FAM81A: variants seen among roughly 807,000 people sequenced by gnomAD.
The protein encoded by FAM81A is protein FAM81A.
Under a neutral mutation model 46.7 loss-of-function variants are expected in FAM81A, and 19 were observed. That is an observed-to-expected ratio of 0.41 (90% CI 0.28 to 0.60). The LOEUF is 0.60. Ranked by LOEUF, FAM81A falls within the 20% of genes least tolerant of loss-of-function variation. FAM81A has a pLI of 0.34. For missense variants in FAM81A, 377 were observed against 453.5 expected, an observed-to-expected ratio of 0.83 and a Z score of 1.53; for synonymous variants, 183 against 152.9, an observed-to-expected ratio of 1.20 and a Z score of -1.45.
chr15:59,426,795 T>A (rs1336424807), intron 2 of FAM81A, among the ~76,000 whole-genome samples: 1 of 152,244 alleles, frequency 6.6e-6, no homozygotes. Flanking sequence ...ACTTCCCCCC[T>A]AAGCTTCTCA....
intron 1 of FAM81A, among the ~76,000 whole-genome samples, chr15:59,453,446 T>TA (rs1322191214): frequency 1.3e-5 from 2 of 152,228 alleles, no homozygotes; most frequent in Non-Finnish European, 2.9e-5. Flanking sequence ...AGTTACTCGT[T>TA]ACGTTACGTG....
chr15:59,416,988 G>T (rs1305638760), intron 2 of FAM81A, among the ~76,000 whole-genome samples: 1 of 152,064 alleles, frequency 6.6e-6, no homozygotes, highest in Non-Finnish European at 1.5e-5. Context: ...CTAGACTTGT[G>T]CCGTCGTGTC....
rs71480524 is a variant in FAM81A at position 59,415,740 on chromosome 15, A to G, written c.-78+13382A>G. Among the ~76,000 whole-genome samples the G allele has an allele frequency of 9.1e-3, 1,379 of 152,306 alleles. 11 individuals carry two copies. The highest frequency in any genetic ancestry group is 0.015 in the Non-Finnish European group (1,002 of 68,016). On this transcript the variant is annotated intron_variant, in intron 2 of 4. Coordinates refer to the FAM81A transcript ENST00000558348. ...GCTGCTTTAAGCCACTAAGTTCATGATTTTTTATTTAATGACAGCAAAAAG... is the reference window on the plus strand; with the variant it reads ...GCTGCTTTAAGCCACTAAGTTCATGGTTTTTTATTTAATGACAGCAAAAAG...
chr15:59,422,435 G>T (rs2081178206), intron 2 of FAM81A, among the ~76,000 whole-genome samples: 1 of 151,854 alleles, frequency 6.6e-6, no homozygotes, highest in South Asian at 2.1e-4. Flanking sequence ...GGGGTGTTTT[G>T]TATGTTCACA....
chr15:59,409,672 G>T (rs1221326463), intron 2 of FAM81A, among the ~76,000 whole-genome samples: 1 of 152,152 alleles, frequency 6.6e-6, no homozygotes, highest in Non-Finnish European at 1.5e-5. Flanking sequence ...AAAGGCTTGG[G>T]CAGAATGACT....
intron 2 of FAM81A, among the ~76,000 whole-genome samples, chr15:59,431,857 T>A (rs1231751661): frequency 6.6e-6 from 1 of 152,218 alleles, no homozygotes; most frequent in Non-Finnish European, 1.5e-5. Context: ...GATGAAAACC[T>A]ACTACGTGAC....
chr15:59,417,945 C>T (rs570617110), intron 2 of FAM81A, among the ~76,000 whole-genome samples: 12 of 152,142 alleles, frequency 7.9e-5, no homozygotes, highest in African/African-American at 2.7e-4. Flanking sequence ...CGACAGGCCC[C>T]GGTGTGTGAT....
intron 2 of FAM81A, among the ~76,000 whole-genome samples, chr15:59,403,211 T>TA (rs2081079726): frequency 1.3e-5 from 2 of 152,120 alleles, no homozygotes; most frequent in South Asian, 2.1e-4. Flanking sequence ...TGAAGTGGGC[T>TA]ACCCCCCCAT....
chr15:59,428,165 C>T (rs140333617), intron 2 of FAM81A, among the ~76,000 whole-genome samples: 2,221 of 152,282 alleles, frequency 0.015, 50 homozygotes, highest in African/African-American at 0.049. Context: ...TGATGTTGAG[C>T]ACCTTTTCAT....
rs2081540253 is a variant in FAM81A, at chr15:59,460,583, A to G, written c.294+377A>G. ...TACTAAGGTCAGACTCTGTTGCTTC[A>G]GATTAAATGTTTCTAGGTCATAATG... On this transcript the variant is annotated intron_variant, in intron 3 of 8. Coordinates refer to ENST00000288228, the MANE Select transcript of FAM81A (RefSeq NM_152450.3). The surrounding 1 kb of genome is among the most constrained non-coding windows in gnomAD (Gnocchi z 4.4). 5.7e-6 allele frequency: 2 copies of G among 351,964 alleles called. No homozygotes were observed. Among genetic ancestry groups the G allele is most frequent in the Admixed American group, 8.1e-5 (2 of 24,672 alleles). The allele number at this position is 351,964 out of a possible 1,614,324, so 21.8% of individuals were successfully genotyped here. A position where few individuals can be genotyped will look rare whatever the true frequency, so the allele number is the denominator to read the frequency against.
intron 4 of FAM81A, among the ~76,000 whole-genome samples, chr15:59,500,425 G>C (rs1307470744): frequency 6.6e-6 from 1 of 151,998 alleles, no homozygotes; most frequent in Non-Finnish European, 1.5e-5. Context: ...AGTCTCCTGA[G>C]TAGCTGGGAC....
At position 59,515,043 on chromosome 15, in the gene FAM81A, G is replaced by A. The variant is rs192458783; in HGVS notation, c.786+619G>A. Among the ~76,000 whole-genome samples the A allele has an allele frequency of 1.4e-4, 21 of 152,130 alleles. No individual in the cohort carries two copies. In the East Asian group the frequency reaches 2.5e-3, roughly 18 times the overall value. ...GAGGATCGCTTGAGCCCAGGAGTTC[G>A]AGACCAGCCTGGGAAACATGGTGAA... On this transcript the variant is annotated intron_variant, in intron 7 of 8. Transcript: ENST00000288228.
At chr15:59,440,382 T>G (rs1241955842) in intron 1 of FAM81A, among the ~76,000 whole-genome samples, 3 of 152,026 alleles carry the variant, frequency 2.0e-5, no homozygotes, top group African/African-American at 7.2e-5. Context: ...CTCTGGGCAA[T>G]TCTGATGTAC....
chr15:59,399,453 C>T lies in FAM81A; in HGVS notation c.-160-2823C>T, dbSNP rs370207920. 2.6e-5 allele frequency among the ~76,000 whole-genome samples: 4 copies of T among 152,178 alleles called. No homozygotes were observed. The East Asian group carries it at 7.7e-4, about 29-fold the overall frequency. On this transcript the variant is annotated intron_variant, in intron 1 of 4. Coordinates refer to the FAM81A transcript ENST00000558348. ...AGAGAATGGATGTGTAGACGATTAG[C>T]AGTCTCTGCCACAAACATTGAACCC...
intron 1 of FAM81A, among the ~76,000 whole-genome samples, chr15:59,457,458 C>T (rs1176270861): frequency 6.6e-6 from 1 of 152,154 alleles, no homozygotes; most frequent in African/African-American, 2.4e-5. Context: ...ATGAATTAAA[C>T]TTAATCATGA....
intron 2 of FAM81A, among the ~76,000 whole-genome samples, chr15:59,428,613 G>A (rs1232553779): frequency 1.6e-5 from 2 of 122,496 alleles, no homozygotes; most frequent in African/African-American, 6.1e-5. Flanking sequence ...CTAGATCCAT[G>A]TCTACTCCTT....
At chr15:59,513,815 T>C (rs898354808) in intron 6 of FAM81A, among the ~76,000 whole-genome samples, 2 of 152,280 alleles carry the variant, frequency 1.3e-5, no homozygotes, top group East Asian at 1.9e-4. Flanking sequence ...AGCAAAGATA[T>C]GGAATCAACC....
chr15:59,434,281 A>G (rs560328897), upstream of FAM81A, among the ~76,000 whole-genome samples: 1 of 152,242 alleles, frequency 6.6e-6, no homozygotes, highest in Non-Finnish European at 1.5e-5. Flanking sequence ...ACAACTGTAT[A>G]TAAATATGCA....
rs762296042 is a variant in FAM81A, at chr15:59,507,203, G to A, written c.414-10G>A. 3 of 1,607,366 alleles carry A rather than the reference G, an allele frequency of 1.9e-6. No homozygotes were observed. The highest frequency in any genetic ancestry group is 2.2e-5 in the South Asian group (2 of 89,628). On this transcript the variant is annotated splice_polypyrimidine_tract_variant and intron_variant, in intron 4 of 8. Transcript: ENST00000288228. ...TTAATAAGAATCAGCTTTGTTCTTT[G>A]TCTGGACAGATGTGATGCCAGCATA...
Sources: allele counts gnomAD v4.1 joint callset (sites outside exome capture counted in the v4.1 genomes callset), GRCh38; gene constraint gnomAD v4.1.1; non-coding constraint Gnocchi (gnomAD v3.1); transcripts MANE v1.5; gene names NCBI Gene and HGNC (gene_info 2026-07-23, HGNC 2026-07-21).